The following NPHP1 variants were observed in gnomAD, a reference collection of about 807,000 sequenced individuals.
NPHP1 encodes nephrocystin-1.
In NPHP1, 70 loss-of-function variants were observed where a neutral mutation model predicts 90.4. The ratio of observed to expected loss-of-function variants is 0.77; its 90% CI spans 0.64 to 0.95. NPHP1 has a LOEUF of 0.95. Ranked by LOEUF, NPHP1 falls within the 40% of genes least tolerant of loss-of-function variation. The pLI, the probability that NPHP1 is intolerant of heterozygous loss-of-function variation, is 0.00. For synonymous variants in NPHP1, 256 were observed against 271.7 expected (o/e 0.94, Z 0.57); for missense variants, 764 against 795.9 (o/e 0.96, Z 0.48).
chr2:110,159,085 A>C (rs1439348689), intron 11 of NPHP1, among the ~76,000 whole-genome samples: 1 of 152,042 alleles, frequency 6.6e-6, no homozygotes, highest in Admixed American at 6.5e-5. Context: ...CAAATGTTAA[A>C]TGTGATTACC....
chr2:110,124,188 G>T, intron 19 of NPHP1, 125 bp from the exon 20 acceptor site: 1 of 1,048,328 alleles, frequency 9.5e-7, no homozygotes, highest in Non-Finnish European at 1.5e-6. Context: ...GGCAGGTATC[G>T]GCTCTGAGCC....
At position 110,130,490 on chromosome 2, in the gene NPHP1, C is replaced by T. The variant is rs983517041; in HGVS notation, c.1642+1189G>A. Among the ~76,000 whole-genome samples the T allele has an allele frequency of 7.2e-5, 11 of 152,148 alleles. No individual in the cohort carries two copies. In the East Asian group the frequency reaches 7.7e-4, roughly 11 times the overall value. On this transcript the variant is annotated intron_variant, in intron 17 of 19. Transcript: ENST00000445609. ...GGCAATGGTGATTAAAAGGCTTACC[C>T]GTCCTCCCCCTTAGAGTTATAATGA...
At chr2:110,144,221 G>T in intron 15 of NPHP1, 1 of 454,392 alleles carries the variant, frequency 2.2e-6, no homozygotes, top group Non-Finnish European at 4.0e-6. Context: ...CTCTGTATTA[G>T]TCACAAGTAT....
rs1401412688 is a variant in NPHP1, at chr2:110,123,801, T to C, written c.2024A>G (p.Asn675Ser). The C allele has an allele frequency of 1.2e-6, 2 of 1,613,896 alleles. No individual in the cohort carries two copies. The highest frequency in any genetic ancestry group is 1.7e-5 in the Admixed American group (1 of 60,006). Residue 675 changes from asparagine (N) to serine (S), a missense_variant, in exon 20 of 20, where the codon AAT (asparagine) becomes AGT (serine). Asn to Ser is a conservative substitution (Grantham distance 46). Transcript: ENST00000445609. ...TAGAGGCTGCCACTGTCACACTGCATTCTTTCTCATTTCACCCAAGAAGTC... is the reference window on the plus strand; with the variant it reads ...TAGAGGCTGCCACTGTCACACTGCACTCTTTCTCATTTCACCCAAGAAGTC... Reference protein sequence around the residue: ...TYDFLGEMRKNAV With the variant: ...TYDFLGEMRKSAV
Position 110,179,856 on chromosome 2 carries a change from T to G in NPHP1, c.144-172A>C, listed in dbSNP as rs1405692773. 2.0e-5 allele frequency among the ~76,000 whole-genome samples: 3 copies of G among 152,118 alleles called. 1 individual carries two copies. The highest frequency in any genetic ancestry group is 7.2e-5 in the African/African-American group (3 of 41,426). Reference sequence around the variant, plus strand: ...CACCTATTAGCTCAGATGATCCTCATAGCCAAGCTGTAAAACACATAGACA... The same window carrying G: ...CACCTATTAGCTCAGATGATCCTCAGAGCCAAGCTGTAAAACACATAGACA... On this transcript the variant is annotated intron_variant, in intron 2 of 19. Coordinates refer to ENST00000445609, the MANE Select transcript of NPHP1 (RefSeq NM_001128178.3).
chr2:110,189,299 T>G (rs1295717075), intron 2 of NPHP1, among the ~76,000 whole-genome samples: 1 of 152,136 alleles, frequency 6.6e-6, no homozygotes, highest in South Asian at 2.1e-4. Flanking sequence ...GTCCAGAGTT[T>G]GTTCCTTCTG....
intron 16 of NPHP1, among the ~76,000 whole-genome samples, chr2:110,133,240 A>C (rs1284370501): frequency 1.3e-5 from 2 of 152,116 alleles, no homozygotes; most frequent in African/African-American, 4.8e-5. Flanking sequence ...TAGCAACTAA[A>C]AGAGAACATG....
chr2:110,152,091 C>A (rs1383006224), intron 11 of NPHP1, among the ~76,000 whole-genome samples: 1 of 152,090 alleles, frequency 6.6e-6, no homozygotes, highest in East Asian at 1.9e-4. Context: ...TGTGCAAAAC[C>A]AGACCCAAAG....
chr2:110,168,420 C>A (rs774552071), intron 6 of NPHP1, 32 bp downstream of exon 6: 107 of 1,336,010 alleles, frequency 8.0e-5, no homozygotes, highest in Non-Finnish European at 1.1e-4. Context: ...AAAAAAAAGT[C>A]TTAGAAAAGG....
Position 110,154,294 on chromosome 2 carries a change from G to GT in NPHP1, c.1084-4039dup, listed in dbSNP as rs1490385127. Among the ~76,000 whole-genome samples, 5 of 152,270 alleles carry GT rather than the reference G, an allele frequency of 3.3e-5. No individual in the cohort carries two copies. The South Asian group carries it at 6.2e-4, about 19-fold the overall frequency. ...GAGGCCTCCTCAGACACGTGGAACT[G>GT]TAAGTCCAGTAAACCTCTTTCTTTT... On this transcript the variant is annotated intron_variant, in intron 11 of 19. Transcript: ENST00000445609.
chr2:110,176,503 G>A (rs1200781269), intron 4 of NPHP1, among the ~76,000 whole-genome samples: 4 of 151,814 alleles, frequency 2.6e-5, no homozygotes, highest in African/African-American at 9.7e-5. Context: ...TTGCATTTCT[G>A]ATTTTTTTTA....
intron 6 of NPHP1, among the ~76,000 whole-genome samples, chr2:110,168,135 G>A (rs1574136071): frequency 6.6e-6 from 1 of 152,276 alleles, no homozygotes; most frequent in African/African-American, 2.4e-5. Context: ...ATTTGTGGAA[G>A]TTAACACAAA....
chr2:110,201,810 A>G (rs2104716384), intron 1 of NPHP1, among the ~76,000 whole-genome samples: 1 of 152,276 alleles, frequency 6.6e-6, no homozygotes, highest in Non-Finnish European at 1.5e-5. Flanking sequence ...GTATATAGTG[A>G]AATGCACAAA....
chr2:110,129,906 A>G (rs1679661800), intron 17 of NPHP1, among the ~76,000 whole-genome samples: 1 of 152,224 alleles, frequency 6.6e-6, no homozygotes, highest in South Asian at 2.1e-4. Context: ...GCGCTGCTGT[A>G]GTGGAATACC....
chr2:110,146,832 T>C lies in NPHP1; in HGVS notation c.1273A>G (p.Thr425Ala), dbSNP rs1681089404. 3 of 1,611,714 alleles carry C rather than the reference T, an allele frequency of 1.9e-6. No individual in the cohort carries two copies. The highest frequency in any genetic ancestry group is 1.7e-6 in the Non-Finnish European group (2 of 1,177,844). Residue 425 changes from threonine to alanine, a missense_variant, in exon 14 of 20, where the codon ACT (threonine) becomes GCT (alanine). By Grantham distance (58) the Thr-to-Ala change is moderately conservative. Transcript: ENST00000445609. Reference protein sequence around the residue: ...ELGISYIRNSTGERGELSCGW... With the variant: ...ELGISYIRNSAGERGELSCGW... The stretch of plus-strand genomic sequence containing the variant: ...CAGCTTAACTCTCCTCTTTCACCAG[T>C]TGACTAGGAAATAAGACAAGTATAT...
chr2:110,180,614 T>C (rs1243586980), intron 2 of NPHP1, among the ~76,000 whole-genome samples: 1 of 151,998 alleles, frequency 6.6e-6, no homozygotes, highest in Non-Finnish European at 1.5e-5. Context: ...CACTTTAAAC[T>C]GAAATATCCA....
chr2:110,177,693 G>T (rs1312751274), intron 4 of NPHP1, among the ~76,000 whole-genome samples: 1 of 151,698 alleles, frequency 6.6e-6, no homozygotes, highest in Admixed American at 6.6e-5. Flanking sequence ...ACTTTCAGAA[G>T]CTATTATTAA....
intron 18 of NPHP1, chr2:110,125,924 C>CT (rs1156945008): frequency 1.8e-6 from 1 of 544,940 alleles, no homozygotes; most frequent in Non-Finnish European, 3.3e-6. Flanking sequence ...TCAAAACTAA[C>CT]TTAAGAATAG....
At chr2:110,200,394 C>T (rs1046183998) in intron 2 of NPHP1, among the ~76,000 whole-genome samples, 20 of 151,916 alleles carry the variant, frequency 1.3e-4, no homozygotes, top group Admixed American at 1.3e-3. Context: ...TGAAACCCAT[C>T]TCTACTCAAA....
Sources: allele counts gnomAD v4.1 joint callset (sites outside exome capture counted in the v4.1 genomes callset), GRCh38; gene constraint gnomAD v4.1.1; transcripts MANE v1.5; gene names NCBI Gene and HGNC (gene_info 2026-07-23, HGNC 2026-07-21).